Variants in IQSEC1 observed in about 807,000 individuals in gnomAD.
IQSEC1 encodes the protein IQ motif and SEC7 domain-containing protein 1.
IQSEC1 carries 31 observed loss-of-function variants against 91.0 expected under a neutral mutation model. That is an observed-to-expected ratio of 0.34 (90% CI 0.26 to 0.46). The LOEUF is 0.46. IQSEC1 is among the 20% of genes least tolerant of loss of function. IQSEC1 has a pLI of 1.00. For missense variants in IQSEC1, 1,388 were observed against 1,575.6 expected, an observed-to-expected ratio of 0.88 and a Z score of 2.02; for synonymous variants, 699 against 662.6, an observed-to-expected ratio of 1.05 and a Z score of -0.84.
intron 2 of IQSEC1, among the ~76,000 whole-genome samples, chr3:13,110,135 G>GC (rs1187715627): frequency 7.9e-5 from 12 of 151,808 alleles, no homozygotes; most frequent in Non-Finnish European, 1.8e-4. Context: ...GCCTGCCTTG[G>GC]CCCCCCAAAG....
In IQSEC1 at chr3:12,936,449, G is replaced by A. The variant is rs1184258591; in HGVS notation, c.567C>T (p.Gly189=). The A allele has an allele frequency of 5.0e-6, 8 of 1,606,358 alleles. No individual in the cohort carries two copies. Among genetic ancestry groups the A allele is most frequent in the African/African-American group, 4.0e-5 (3 of 74,704 alleles). The change falls in exon 3 of 14, where the codon GGC becomes GGT. Residue 189 remains glycine (G), a synonymous_variant. Coordinates refer to ENST00000613206, the MANE Select transcript of IQSEC1 (RefSeq NM_001134382.3). ...EGKQVSVTND[G]SQLGALVSPE... The stretch of plus-strand genomic sequence containing the variant: ...GGGACACCAGGGCTCCCAGCTGGGA[G>A]CCGTCGTTAGTCACTGAGACCTGCT...
chr3:13,199,336 T>C (rs1576292017), intron 1 of IQSEC1, among the ~76,000 whole-genome samples: 1 of 152,152 alleles, frequency 6.6e-6, no homozygotes, highest in Non-Finnish European at 1.5e-5. Context: ...CTGGCTCCAA[T>C]TGTTGTGACT....
chr3:12,960,250 G>C (rs1013738088), intron 1 of IQSEC1: 3 of 152,176 alleles, frequency 2.0e-5, no homozygotes, highest in African/African-American at 7.2e-5. Context: ...TCCTGATCCT[G>C]TCAGGAATCT....
chr3:13,227,101 C>A (rs530015056), intron 1 of IQSEC1, among the ~76,000 whole-genome samples: 1 of 151,772 alleles, frequency 6.6e-6, no homozygotes, highest in African/African-American at 2.4e-5. Context: ...TCCGGCCAGG[C>A]GTGGTGGCTC....
At chr3:13,247,352 T>C (rs1695125381) in intron 1 of IQSEC1, among the ~76,000 whole-genome samples, 2 of 152,184 alleles carry the variant, frequency 1.3e-5, no homozygotes, top group African/African-American at 4.8e-5. Context: ...CCGGCTGTCA[T>C]TTCCTCCATT....
chr3:12,936,041 T>G lies in IQSEC1; in HGVS notation c.975A>C (p.Ala325=). 2 of 1,603,534 alleles carry G rather than the reference T, an allele frequency of 1.2e-6. No individual in the cohort carries two copies. Among genetic ancestry groups the G allele is most frequent in the Non-Finnish European group, 1.7e-6 (2 of 1,179,714 alleles). ...GGGCCAGGGCCCAGTAGTCTGGGGC[T>G]GCGCCCCCAGCCCGTAGCCGCAGGT... is the stretch of plus-strand genomic sequence containing the variant. ...ESDLRLRAGG[A]APDYWALAHK... The change falls in exon 3 of 14, where the codon GCA becomes GCC. Residue 325 remains alanine (A), a synonymous_variant. Coordinates refer to ENST00000613206, the MANE Select transcript of IQSEC1 (RefSeq NM_001134382.3).
intron 1 of IQSEC1, among the ~76,000 whole-genome samples, chr3:13,173,452 C>G (rs980188361): frequency 1.3e-5 from 2 of 152,228 alleles, no homozygotes; most frequent in African/African-American, 4.8e-5. Flanking sequence ...GCTTTGGGGA[C>G]CGGCCCAGAG....
rs563142110 is a variant in IQSEC1, at chr3:13,114,743, A to T, written c.302+49361T>A. ...AGAAAGTGGAGGTCGCAGTGGACCA[A>T]GATCACGTCACTGCACTCCAGCCTG... is the stretch of plus-strand genomic sequence containing the variant. On this transcript the variant is annotated intron_variant, in intron 2 of 15. Coordinates refer to the IQSEC1 transcript ENST00000648114. Among the ~76,000 whole-genome samples the T allele has an allele frequency of 1.9e-4, 29 of 150,996 alleles. No individual in the cohort carries two copies. In the South Asian group the frequency reaches 5.9e-3, roughly 31 times the overall value.
intron 1 of IQSEC1, among the ~76,000 whole-genome samples, chr3:13,261,003 C>T (rs997129547): frequency 1.3e-5 from 2 of 152,234 alleles, no homozygotes; most frequent in African/African-American, 4.8e-5. Flanking sequence ...AAGGTCTTCC[C>T]TGACCGACGG....
chr3:13,062,504 T>G (rs1348597334), intron 1 of IQSEC1, among the ~76,000 whole-genome samples: 2 of 150,694 alleles, frequency 1.3e-5, no homozygotes, highest in African/African-American at 2.4e-5. Flanking sequence ...TGGAGAGGGG[T>G]GGGGTCCTGG....
At chr3:13,277,968 C>T (rs986237526) in intron 1 of IQSEC1, among the ~76,000 whole-genome samples, 10 of 152,148 alleles carry the variant, frequency 6.6e-5, no homozygotes, top group African/African-American at 2.4e-4. Context: ...AGGGTGGCTT[C>T]CTCCTGCCCA....
chr3:13,005,330 C>T (rs1267469319), intron 1 of IQSEC1, among the ~76,000 whole-genome samples: 2 of 152,132 alleles, frequency 1.3e-5, no homozygotes, highest in African/African-American at 2.4e-5. Context: ...GACCGCAGCC[C>T]AGGGCTCCCT....
intron 1 of IQSEC1, among the ~76,000 whole-genome samples, chr3:13,067,980 G>A (rs1327575373): frequency 1.3e-5 from 2 of 152,264 alleles, no homozygotes; most frequent in Non-Finnish European, 2.9e-5. Context: ...CGTGACACTT[G>A]TTGAGCTTGG....
At chr3:13,123,563 C>A (rs1706459231) in intron 2 of IQSEC1, among the ~76,000 whole-genome samples, 1 of 152,186 alleles carries the variant, frequency 6.6e-6, no homozygotes, top group Non-Finnish European at 1.5e-5. Flanking sequence ...CCAGCATTGC[C>A]CCTGGAAATG....
At chr3:13,079,267 C>T (rs113703889) in intron 2 of IQSEC1, among the ~76,000 whole-genome samples, 7 of 152,242 alleles carry the variant, frequency 4.6e-5, no homozygotes, top group East Asian at 1.9e-4. Flanking sequence ...CTAAACCTCA[C>T]GCTCCATCTG....
At chr3:13,141,537 C>T (rs147960730) in intron 2 of IQSEC1, among the ~76,000 whole-genome samples, 154 of 152,298 alleles carry the variant, frequency 1.0e-3, no homozygotes, top group African/African-American at 3.4e-3. Context: ...AGGGAGAAGA[C>T]GGATAAATGA....
intron 1 of IQSEC1, among the ~76,000 whole-genome samples, chr3:12,968,534 C>G (rs1450314364): frequency 6.6e-6 from 1 of 152,214 alleles, no homozygotes; most frequent in Non-Finnish European, 1.5e-5. Flanking sequence ...CTCAGCTTAA[C>G]TGGGCCAACT....
intron 2 of IQSEC1, among the ~76,000 whole-genome samples, chr3:13,144,355 T>G (rs1004562347): frequency 2.0e-5 from 3 of 152,184 alleles, no homozygotes; most frequent in African/African-American, 7.2e-5. Context: ...CACCGCCACG[T>G]GGCTGTCAGG....
intron 2 of IQSEC1, among the ~76,000 whole-genome samples, chr3:13,128,176 C>T (rs978237211): frequency 6.6e-6 from 1 of 152,200 alleles, no homozygotes; most frequent in Non-Finnish European, 1.5e-5. Context: ...TGACTTACCG[C>T]TCTGTCTAGA....
Sources: allele counts gnomAD v4.1 joint callset (sites outside exome capture counted in the v4.1 genomes callset), GRCh38; gene constraint gnomAD v4.1.1; transcripts MANE v1.5; gene names NCBI Gene and HGNC (gene_info 2026-07-23, HGNC 2026-07-21).